Variants in CNTN1 observed in about 807,000 individuals in gnomAD.
CNTN1 encodes the protein contactin 1, also known as contactin-1.
Under a neutral mutation model 126.4 loss-of-function variants are expected in CNTN1, and 38 were observed. That is an observed-to-expected ratio of 0.30 (90% CI 0.23 to 0.39). The LOEUF is 0.39. CNTN1 is among the 10% of genes least tolerant of loss of function. CNTN1 has a pLI of 1.00. For missense variants in CNTN1, 1,009 were observed against 1,248.4 expected, an observed-to-expected ratio of 0.81 and a Z score of 2.89; for synonymous variants, 413 against 422.6, an observed-to-expected ratio of 0.98 and a Z score of 0.28.
intron 23 of CNTN1, among the ~76,000 whole-genome samples, chr12:41,041,365 T>C (rs890208018): frequency 6.6e-6 from 1 of 152,176 alleles, no homozygotes; most frequent in Admixed American, 6.6e-5. Flanking sequence ...AGGATATTGG[T>C]CTAAAATTTT....
chr12:40,805,217 A>G (rs1270415209), intron 1 of CNTN1, among the ~76,000 whole-genome samples: 1 of 151,854 alleles, frequency 6.6e-6, no homozygotes, highest in East Asian at 1.9e-4. Flanking sequence ...TCTTTTTGGA[A>G]CATTTTCAAT....
intron 4 of CNTN1, 37 bp downstream of exon 4, chr12:40,918,808 C>T: frequency 6.2e-7 from 1 of 1,610,566 alleles, no homozygotes; most frequent in African/African-American, 1.3e-5. Context: ...AGTGGAGTGT[C>T]AGAGTAATGA....
chr12:40,704,399 A>G (rs1460134626), intron 1 of CNTN1, among the ~76,000 whole-genome samples: 2 of 152,174 alleles, frequency 1.3e-5, no homozygotes, highest in African/African-American at 2.4e-5. Context: ...TATTGACTTC[A>G]TCTTGCTGTT....
intron 20 of CNTN1, among the ~76,000 whole-genome samples, chr12:41,021,396 C>G (rs1224372040): frequency 6.7e-6 from 1 of 150,264 alleles, no homozygotes. Context: ...CCTCCCTTAT[C>G]CCTTGTCCAT....
At chr12:40,971,713 C>A in intron 15 of CNTN1, 1 of 1,343,162 alleles carries the variant, frequency 7.4e-7, no homozygotes, top group Non-Finnish European at 9.5e-7. Context: ...TTCACTAATA[C>A]CTTAAAAATG....
chr12:40,928,153 C>G (rs908204865), intron 6 of CNTN1, among the ~76,000 whole-genome samples: 2 of 151,898 alleles, frequency 1.3e-5, no homozygotes, highest in African/African-American at 4.8e-5. Context: ...ACATTTTTGG[C>G]TTTGGTGGTG....
At chr12:40,722,896 T>A (rs1942254052) in intron 1 of CNTN1, among the ~76,000 whole-genome samples, 1 of 151,818 alleles carries the variant, frequency 6.6e-6, no homozygotes, top group African/African-American at 2.4e-5. Context: ...AACAAATGCA[T>A]TTTTTTTCCT....
At chr12:41,034,691 G>T (rs1020007951) in intron 23 of CNTN1, among the ~76,000 whole-genome samples, 8 of 152,050 alleles carry the variant, frequency 5.3e-5, no homozygotes, top group Non-Finnish European at 8.8e-5. Flanking sequence ...ATTTTAGATT[G>T]ACAAATAGCT....
chr12:40,981,177 T>G, intron 16 of CNTN1, 110 bp downstream of exon 16: 2 of 1,052,292 alleles, frequency 1.9e-6, no homozygotes, highest in Non-Finnish European at 2.8e-6. Flanking sequence ...TGAAAGGCTT[T>G]CTTTCTTAAA....
chr12:40,924,424 A>G, intron 5 of CNTN1, 133 bp from the exon 6 acceptor site: 1 of 672,516 alleles, frequency 1.5e-6, no homozygotes, highest in Non-Finnish European at 2.8e-6. Flanking sequence ...AGCTGACTTT[A>G]CTAGGCTTCA....
chr12:41,071,316 A>G lies in CNTN1; in HGVS notation c.*1281A>G, dbSNP rs1342687810. The G allele has an allele frequency of 6.6e-6, 1 of 152,164 alleles. No homozygotes were observed. The highest frequency in any genetic ancestry group is 1.9e-4 in the East Asian group (1 of 5,196). The allele number at this position is 152,164 out of a possible 1,614,324, so 9.4% of individuals were successfully genotyped here. A position where few individuals can be genotyped will look rare whatever the true frequency, so the allele number is the denominator to read the frequency against. On this transcript the variant is annotated 3_prime_UTR_variant, in exon 24 of 24. Transcript: ENST00000551295. ...GAAGATGCACATTTCTTCATTCTCC[A>G]TGGTGTGCATGGAAATGTGTTTGAG...
intron 3 of CNTN1, among the ~76,000 whole-genome samples, chr12:40,912,251 AT>A (rs1592245324): frequency 6.6e-6 from 1 of 152,102 alleles, no homozygotes; most frequent in East Asian, 1.9e-4. Flanking sequence ...TGAAAGCAAT[AT>A]TGTATTCTAT....
chr12:40,903,614 A>C (rs77314679), intron 1 of CNTN1, among the ~76,000 whole-genome samples: 2,096 of 152,280 alleles, frequency 0.014, 48 homozygotes, highest in African/African-American at 0.045. Flanking sequence ...TGGTGACACA[A>C]TAGAACAGAT....
intron 14 of CNTN1, among the ~76,000 whole-genome samples, chr12:40,944,861 C>G (rs1046418951): frequency 5.9e-5 from 9 of 151,970 alleles, no homozygotes; most frequent in Non-Finnish European, 1.2e-4. Flanking sequence ...CTATCAGCCT[C>G]TTCTTTAGAA....
chr12:40,759,478 CT>C (rs1287538696), intron 1 of CNTN1, among the ~76,000 whole-genome samples: 3 of 142,886 alleles, frequency 2.1e-5, no homozygotes, highest in Non-Finnish European at 4.6e-5. Flanking sequence ...TTCTCTTTCT[CT>C]TTTTTAGACA....
Position 40,929,958 on chromosome 12 carries a change from A to T in CNTN1, c.659A>T (p.Lys220Met), listed in dbSNP as rs1168974783. 6.2e-7 allele frequency: 1 copy of T among 1,612,754 alleles called. No individual in the cohort carries two copies. The highest frequency in any genetic ancestry group is 8.5e-7 in the Non-Finnish European group (1 of 1,179,090). Residue 220 changes from lysine to methionine, a missense_variant, in exon 7 of 24, where the codon AAG (lysine) becomes ATG (methionine). Transcript: ENST00000551295. ...TTTGTTTCCAGTCCTTCTATTACAA[A>T]GAGCGTGTTCAGCAAATTCATCCCA... ...SCFVSSPSITKSVFSKFIPLI... is the reference protein window; with the variant it reads ...SCFVSSPSITMSVFSKFIPLI...
At chr12:40,828,724 T>G (rs750333670) in intron 1 of CNTN1, among the ~76,000 whole-genome samples, 3 of 152,098 alleles carry the variant, frequency 2.0e-5, no homozygotes, top group Non-Finnish European at 4.4e-5. Context: ...GCTCAATCCT[T>G]CTCCCAGAAG....
chr12:40,756,040 A>C (rs555369630), intron 1 of CNTN1, among the ~76,000 whole-genome samples: 8 of 152,194 alleles, frequency 5.3e-5, no homozygotes, highest in Admixed American at 2.0e-4. Flanking sequence ...ATTTAGATAC[A>C]TAGTTGCAAG....
intron 17 of CNTN1, among the ~76,000 whole-genome samples, chr12:40,998,866 A>G (rs1038785910): frequency 6.6e-6 from 1 of 151,550 alleles, no homozygotes; most frequent in South Asian, 2.1e-4. Context: ...AGTTACATTC[A>G]TGATTAACTT....
Sources: allele counts gnomAD v4.1 joint callset (sites outside exome capture counted in the v4.1 genomes callset), GRCh38; gene constraint gnomAD v4.1.1; transcripts MANE v1.5; gene names NCBI Gene and HGNC (gene_info 2026-07-23, HGNC 2026-07-21).